CMIP: variants seen among roughly 807,000 people sequenced by gnomAD.
The protein encoded by CMIP is C-Maf-inducing protein.
CMIP carries 13 observed loss-of-function variants against 97.3 expected under a neutral mutation model. That is an observed-to-expected ratio of 0.13 (90% CI 0.09 to 0.21). The LOEUF is 0.21. CMIP is among the 10% of genes least tolerant of loss of function. The pLI is 1.00. For synonymous variants in CMIP, 538 were observed against 436.3 expected (o/e 1.23, Z -2.91); for missense variants, 847 against 1,024.9 (o/e 0.83, Z 2.37).
At chr16:81,658,727 G>C (rs2092512735) in intron 5 of CMIP, among the ~76,000 whole-genome samples, 1 of 152,266 alleles carries the variant, frequency 6.6e-6, no homozygotes. Flanking sequence ...GAAGCAGGCG[G>C]ATGGGAGATG....
chr16:81,610,529 A>T (rs1482404828), intron 2 of CMIP: 1 of 985,364 alleles, frequency 1.0e-6, no homozygotes, highest in African/African-American at 1.7e-5. Flanking sequence ...CCTTCCCCCA[A>T]GGGGAACCCA....
intron 1 of CMIP, chr16:81,464,600 C>G (rs1233674540): frequency 1.3e-5 from 2 of 152,174 alleles, no homozygotes; most frequent in South Asian, 2.1e-4. Context: ...TAACACAATA[C>G]TTATCATTTT....
rs185658736 is a variant in CMIP, at chr16:81,608,615, C to G, written c.426+923C>G. Among the ~76,000 whole-genome samples the G allele has an allele frequency of 1.2e-3, 190 of 152,240 alleles. 1 individual carries two copies. The highest frequency in any genetic ancestry group is 4.2e-3 in the African/African-American group (173 of 41,534). ...CCCACCCTTGACCTCAGGCAAGGCC[C>G]AGGTCTCGGATTGGTAGCCCCACCA... On this transcript the variant is annotated intron_variant, in intron 2 of 20. Coordinates refer to ENST00000537098, the MANE Select transcript of CMIP (RefSeq NM_198390.3).
At chr16:81,495,522 G>T (rs761533044) in intron 1 of CMIP, 8 of 1,611,118 alleles carry the variant, frequency 5.0e-6, no homozygotes, top group Admixed American at 1.7e-5. Context: ...GAACGACTCT[G>T]TCCAGCTTGA....
intron 11 of CMIP, 67 bp from the exon 12 acceptor site, chr16:81,693,091 C>G (rs1906283895): frequency 8.0e-7 from 1 of 1,248,328 alleles, no homozygotes; most frequent in African/African-American, 1.5e-5. Context: ...AGAGGTTAAT[C>G]TTGGGAACAT....
intron 1 of CMIP, among the ~76,000 whole-genome samples, chr16:81,594,600 A>C (rs1200157225): frequency 6.6e-6 from 1 of 151,808 alleles, no homozygotes; most frequent in East Asian, 1.9e-4. Context: ...ATATATACCT[A>C]TGATAAAGTT....
intron 1 of CMIP, among the ~76,000 whole-genome samples, chr16:81,555,584 G>A (rs1421855832): frequency 6.6e-6 from 1 of 152,192 alleles, no homozygotes; most frequent in African/African-American, 2.4e-5. Flanking sequence ...TTGCCATTTG[G>A]GCATTTGGGG....
Position 81,621,721 on chromosome 16 carries a change from G to A in CMIP, c.477+795G>A, listed in dbSNP as rs2091994793. On this transcript the variant is annotated intron_variant, in intron 3 of 20. Coordinates refer to ENST00000537098, the MANE Select transcript of CMIP (RefSeq NM_198390.3). This position sits in a 1 kb window ranked among gnomAD's most constrained non-coding sequence, Gnocchi z 4.1. ...AGCTGTCATCCTTACAGTAAGCTGG[G>A]GAGCCACAGGGGATGAACAGCTGGC... 1 of 152,658 alleles carries A rather than the reference G, an allele frequency of 6.6e-6. No homozygotes were observed. The highest frequency in any genetic ancestry group is 2.4e-5 in the African/African-American group (1 of 41,452). 9.5% of individuals were successfully genotyped at this position (152,658 alleles called of 1,614,324 possible).
At chr16:81,649,499 G>A (rs1477798299) in intron 3 of CMIP, among the ~76,000 whole-genome samples, 4 of 152,236 alleles carry the variant, frequency 2.6e-5, no homozygotes, top group Admixed American at 6.5e-5. Flanking sequence ...CCTCAGGGCT[G>A]GTTGTATTTT....
chr16:81,683,602 C>G (rs1420269393), intron 10 of CMIP, among the ~76,000 whole-genome samples: 7 of 151,970 alleles, frequency 4.6e-5, no homozygotes, highest in Non-Finnish European at 1.0e-4. Flanking sequence ...GTTGGCCAGG[C>G]TGGTCTCGAA....
chr16:81,558,577 G>C (rs1393365845), intron 1 of CMIP, among the ~76,000 whole-genome samples: 1 of 152,214 alleles, frequency 6.6e-6, no homozygotes, highest in Non-Finnish European at 1.5e-5. Context: ...AATGTCAACA[G>C]TGCCCAGGTG....
intron 1 of CMIP, among the ~76,000 whole-genome samples, chr16:81,490,652 G>A (rs1191379584): frequency 6.6e-6 from 1 of 152,150 alleles, no homozygotes; most frequent in Non-Finnish European, 1.5e-5. Context: ...CATGGCGGGG[G>A]AATAAGGGCC....
At chr16:81,708,239 A>C (rs1202152328) in intron 20 of CMIP, among the ~76,000 whole-genome samples, 8 of 152,224 alleles carry the variant, frequency 5.3e-5, no homozygotes, top group Admixed American at 5.2e-4. Flanking sequence ...CAGCCAGCAG[A>C]TCACCCATCC....
At chr16:81,635,626 G>T (rs998336250) in intron 3 of CMIP, among the ~76,000 whole-genome samples, 2 of 152,222 alleles carry the variant, frequency 1.3e-5, no homozygotes, top group African/African-American at 4.8e-5. Context: ...GCCGTTGAAA[G>T]TCTGCTGCCA....
chr16:81,622,371 A>T (rs1267521077), intron 3 of CMIP, among the ~76,000 whole-genome samples: 1 of 152,122 alleles, frequency 6.6e-6, no homozygotes, highest in East Asian at 1.9e-4. Context: ...CACTGGGAGA[A>T]CATCTCTGAT....
chr16:81,602,437 A>C (rs1189012825), intron 1 of CMIP, among the ~76,000 whole-genome samples: 1 of 152,218 alleles, frequency 6.6e-6, no homozygotes, highest in East Asian at 1.9e-4. Context: ...TTTTTCAGTC[A>C]GGTTTGCGTT....
intron 1 of CMIP, among the ~76,000 whole-genome samples, chr16:81,552,318 T>C (rs1351314097): frequency 2.0e-5 from 3 of 152,112 alleles, no homozygotes; most frequent in Non-Finnish European, 4.4e-5. Flanking sequence ...GATGTTCTTT[T>C]CCTGTGGCCT....
intron 5 of CMIP, 86 bp downstream of exon 5, chr16:81,657,902 G>T (rs145447875): frequency 6.1e-6 from 7 of 1,155,724 alleles, no homozygotes; most frequent in Admixed American, 2.5e-5. Flanking sequence ...TAATTCTGGC[G>T]CCTGCGTAAT....
chr16:81,590,076 G>A (rs2091443980), intron 1 of CMIP, among the ~76,000 whole-genome samples: 1 of 152,134 alleles, frequency 6.6e-6, no homozygotes, highest in Admixed American at 6.5e-5. Context: ...AAGCTCACTA[G>A]GGCCTCAGGA....
Sources: gnomAD v4.1 joint callset for allele counts (sites outside exome capture counted in the v4.1 genomes callset) on GRCh38, gnomAD v4.1.1 for gene constraint, Gnocchi (gnomAD v3.1) non-coding constraint, MANE v1.5 for transcripts, NCBI Gene and HGNC (gene_info 2026-07-23, HGNC 2026-07-21) for gene names.